ST14: variants seen among roughly 807,000 people sequenced by gnomAD.
The protein encoded by ST14 is ST14 transmembrane serine protease matriptase, also known as suppressor of tumorigenicity 14 protein.
Under a neutral mutation model 96.5 loss-of-function variants are expected in ST14, and 40 were observed. The ratio of observed to expected loss-of-function variants is 0.41; its 90% confidence interval spans 0.32 to 0.54. The LOEUF (loss-of-function observed/expected upper bound fraction) is 0.54, where lower values mean the gene tolerates loss of function less well. Ranked by LOEUF, ST14 falls within the 20% of genes least tolerant of loss-of-function variation. The pLI is 0.17. For missense variants in ST14, 1,066 were observed against 1,188.9 expected, an observed-to-expected ratio of 0.90 and a Z score of 1.52; for synonymous variants, 506 against 492.1, an observed-to-expected ratio of 1.03 and a Z score of -0.37.
rs1953262824 is a variant in ST14, at chr11:130,188,620, C to T, written c.332C>T (p.Thr111Ile). 1 of 1,614,248 alleles carries T rather than the reference C, an allele frequency of 6.2e-7. No homozygotes were observed. The highest frequency in any genetic ancestry group is 1.3e-5 in the African/African-American group (1 of 75,066). The change falls in exon 3 of 19, where the codon ACT becomes ATT. Residue 111 changes from threonine (T) to isoleucine (I), a missense_variant. By Grantham distance (89) the Thr-to-Ile change is moderately conservative. Coordinates refer to ENST00000278742, the MANE Select transcript of ST14 (RefSeq NM_021978.4). The surrounding 1 kb of genome is among the most constrained non-coding windows in gnomAD (Gnocchi z 5.4). ...FVDAYENSNS[T>I]EFVSLASKVK... The stretch of plus-strand genomic sequence containing the variant: ...GATGCCTACGAGAACTCCAACTCCA[C>T]TGAGTTTGTAAGCCTGGCCAGCAAG...
At chr11:130,163,813 C>T (rs1953020854) in intron 1 of ST14, among the ~76,000 whole-genome samples, 1 of 152,106 alleles carries the variant, frequency 6.6e-6, no homozygotes, top group Non-Finnish European at 1.5e-5. Context: ...GAGAAGATGC[C>T]CCTAGTTTGA....
chr11:130,160,107 C>T (rs1428217933), intron 1 of ST14, 47 bp downstream of exon 1: 9 of 1,313,666 alleles, frequency 6.9e-6, no homozygotes, highest in East Asian at 6.3e-5. Flanking sequence ...TCCTGCCCGC[C>T]CGACCCTGCA....
chr11:130,184,981 T>C (rs1373956275), intron 1 of ST14, among the ~76,000 whole-genome samples: 3 of 152,194 alleles, frequency 2.0e-5, no homozygotes, highest in African/African-American at 7.2e-5. Flanking sequence ...CACTCACTTG[T>C]GTCCCCGCCA....
At position 130,188,187 on chromosome 11, in the gene ST14, CGG is replaced by C; in HGVS notation, c.158_159del (p.Gly53AlafsTer46). 1 of 1,614,168 alleles carries C rather than the reference CGG, an allele frequency of 6.2e-7. No homozygotes were observed. Among genetic ancestry groups the C allele is most frequent in the Non-Finnish European group, 8.5e-7 (1 of 1,180,030 alleles). On this transcript the variant is annotated frameshift_variant, in exon 2 of 19. Coordinates refer to ENST00000278742, the MANE Select transcript of ST14 (RefSeq NM_021978.4). LOFTEE classifies it high-confidence loss of function. This position sits in a 1 kb window ranked among gnomAD's most constrained non-coding sequence, Gnocchi z 5.4. ...GTCAAGAAGGTGGAAAAGCATGGCC[CGG>C]GGCGCTGGGTGGTGCTGGCAGCCGT...
chr11:130,192,776 C>T (rs918574943), intron 7 of ST14, among the ~76,000 whole-genome samples: 3 of 152,166 alleles, frequency 2.0e-5, no homozygotes, highest in Admixed American at 2.0e-4. Flanking sequence ...GTCTCATTAC[C>T]TGCTTTAACA....
Position 130,209,530 on chromosome 11 carries a change from G to A in ST14, c.2358G>A (p.Pro786=), listed in dbSNP as rs369510286. Residue 786 remains proline (P), a synonymous_variant, in exon 18 of 19, where the codon CCG becomes CCA. Coordinates refer to ENST00000278742, the MANE Select transcript of ST14 (RefSeq NM_021978.4). The part of the protein sequence containing the change: ...CENLLPQQIT[P]RMMCVGFLSG... ...ACCTCCTGCCGCAGCAGATCACGCC[G>A]CGCATGATGTGCGTGGGCTTCCTCA... 8.2e-6 allele frequency: 13 copies of A among 1,578,658 alleles called. No individual in the cohort carries two copies. The highest frequency in any genetic ancestry group is 5.4e-5 in the African/African-American group (4 of 74,346).
At position 130,199,617 on chromosome 11, in the gene ST14, C is replaced by T. The variant is rs11221997; in HGVS notation, c.1808-334C>T. ...TGCTGCCCCCTCCCCTGTGATGTCC[C>T]AAATGATGTCAAGTCAGGCAGATGA... On this transcript the variant is annotated intron_variant, in intron 15 of 18. Coordinates refer to ENST00000278742, the MANE Select transcript of ST14 (RefSeq NM_021978.4). Among the ~76,000 whole-genome samples, 77 of 152,284 alleles carry T rather than the reference C, an allele frequency of 5.1e-4. 1 individual carries two copies. The East Asian group carries it at 0.013, about 26-fold the overall frequency.
At position 130,209,526 on chromosome 11, in the gene ST14, C is replaced by T. The variant is rs751188491; in HGVS notation, c.2354C>T (p.Thr785Met). ...TCENLLPQQI[T>M]PRMMCVGFLS... Reference sequence around the variant, plus strand: ...GAGAACCTCCTGCCGCAGCAGATCACGCCGCGCATGATGTGCGTGGGCTTC... The same window carrying T: ...GAGAACCTCCTGCCGCAGCAGATCATGCCGCGCATGATGTGCGTGGGCTTC... Residue 785 changes from threonine to methionine, a missense_variant, in exon 18 of 19, where the codon ACG (threonine) becomes ATG (methionine). Coordinates refer to ENST00000278742, the MANE Select transcript of ST14 (RefSeq NM_021978.4). 9 of 1,579,346 alleles carry T rather than the reference C, an allele frequency of 5.7e-6. No homozygotes were observed. Among genetic ancestry groups the T allele is most frequent in the African/African-American group, 1.3e-5 (1 of 74,378 alleles).
chr11:130,207,432 T>C (rs922766636), intron 16 of ST14, among the ~76,000 whole-genome samples: 1 of 152,206 alleles, frequency 6.6e-6, no homozygotes, highest in Admixed American at 6.5e-5. Flanking sequence ...ATGCCTGTAG[T>C]CCCAGCTACT....
rs370029533 is a variant in ST14, at chr11:130,191,248, C to T, written c.875+554C>T. ...ACTCAGGAGGCTGATGCAGGAGGAT[C>T]TCCAGCCCAGGAGGTCGAGGCTGCA... On this transcript the variant is annotated intron_variant, in intron 7 of 18. Coordinates refer to ENST00000278742, the MANE Select transcript of ST14 (RefSeq NM_021978.4). Among the ~76,000 whole-genome samples the T allele has an allele frequency of 4.0e-5, 6 of 151,230 alleles. No homozygotes were observed. In the East Asian group the frequency reaches 7.9e-4, roughly 20 times the overall value.
At chr11:130,186,771 A>G (rs188957150) in intron 1 of ST14, among the ~76,000 whole-genome samples, 204 of 152,368 alleles carry the variant, frequency 1.3e-3, no homozygotes, top group Middle Eastern at 3.4e-3. Flanking sequence ...CCACATTGTC[A>G]TAATAGAAAG....
rs185312853 is a variant in ST14 at position 130,175,871 on chromosome 11, C to A, written c.82-12243C>A. Among the ~76,000 whole-genome samples the A allele has an allele frequency of 5.3e-5, 8 of 152,188 alleles. No homozygotes were observed. In the East Asian group the frequency reaches 1.5e-3, roughly 29 times the overall value. ...AGAGACGGAGTTTCATCATGTTGGCCAGGCTGGTTTCAAACTCCTGACCTC... is the reference window on the plus strand; with the variant it reads ...AGAGACGGAGTTTCATCATGTTGGCAAGGCTGGTTTCAAACTCCTGACCTC... On this transcript the variant is annotated intron_variant, in intron 1 of 18. Coordinates refer to ENST00000278742, the MANE Select transcript of ST14 (RefSeq NM_021978.4).
At chr11:130,174,598 T>C (rs1271082326) in intron 1 of ST14, among the ~76,000 whole-genome samples, 2 of 152,172 alleles carry the variant, frequency 1.3e-5, no homozygotes, top group African/African-American at 4.8e-5. Flanking sequence ...AGAAAAAGAC[T>C]TCATCTTCCA....
At chr11:130,171,390 A>G (rs1193386041) in intron 1 of ST14, among the ~76,000 whole-genome samples, 1 of 152,224 alleles carries the variant, frequency 6.6e-6, no homozygotes, top group Non-Finnish European at 1.5e-5. Context: ...TTTGCTAAGG[A>G]AAATGCTTAG....
Position 130,209,532 on chromosome 11 carries a change from G to A in ST14, c.2360G>A (p.Arg787His), listed in dbSNP as rs982440280. 7 of 1,577,954 alleles carry A rather than the reference G, an allele frequency of 4.4e-6. No homozygotes were observed. The highest frequency in any genetic ancestry group is 3.3e-4 in the Middle Eastern group (2 of 6,030). Residue 787 changes from arginine to histidine, a missense_variant, in exon 18 of 19, where the codon CGC becomes CAC. Coordinates refer to ENST00000278742, the MANE Select transcript of ST14 (RefSeq NM_021978.4). ...CTCCTGCCGCAGCAGATCACGCCGC[G>A]CATGATGTGCGTGGGCTTCCTCAGC... ...ENLLPQQITP[R>H]MMCVGFLSGG...
intron 9 of ST14, 115 bp downstream of exon 9, chr11:130,194,852 ATGTGTGTGTGTG>A (rs58417767): frequency 5.0e-5 from 39 of 783,434 alleles, no homozygotes; most frequent in Non-Finnish European, 7.0e-5. Context: ...ATATGTGTGC[ATGTGTGTGTGTG>A]TGTGTGTGTG....
chr11:130,198,149 G>A (rs1031028298), intron 12 of ST14, among the ~76,000 whole-genome samples, 159 bp from the exon 13 acceptor site: 4 of 152,222 alleles, frequency 2.6e-5, no homozygotes, highest in South Asian at 2.1e-4. Flanking sequence ...GGGGTATCTC[G>A]GAAGTGCTGA....
chr11:130,205,510 T>C (rs1242296053), intron 16 of ST14, among the ~76,000 whole-genome samples: 1 of 152,182 alleles, frequency 6.6e-6, no homozygotes, highest in South Asian at 2.1e-4. Flanking sequence ...TGCACCCGCA[T>C]GTATTTTTCA....
At chr11:130,190,026 C>G (rs960127616) in intron 5 of ST14, 87 bp from the exon 6 acceptor site, 1 of 1,610,566 alleles carries the variant, frequency 6.2e-7, no homozygotes, top group Non-Finnish European at 8.5e-7. Flanking sequence ...ACGTGCTGGC[C>G]GGGCACCTCC....
Sources: allele counts gnomAD v4.1 joint callset (sites outside exome capture counted in the v4.1 genomes callset), GRCh38; gene constraint gnomAD v4.1.1; non-coding constraint Gnocchi (gnomAD v3.1); transcripts MANE v1.5; gene names NCBI Gene and HGNC (gene_info 2026-07-23, HGNC 2026-07-21).